Variants in SOX5 observed in about 807,000 individuals in gnomAD.
SOX5 encodes the protein transcription factor SOX-5.
SOX5 carries 9 observed loss-of-function variants against 92.0 expected under a neutral mutation model. The ratio of observed to expected loss-of-function variants is 0.10; its 90% CI spans 0.06 to 0.17. The LOEUF is 0.17. Among genes scored for constraint, SOX5 ranks in the 10% least tolerant of loss-of-function variants. The probability of loss-of-function intolerance (pLI) is 1.00; values close to 1 mark genes in which losing one functional copy is unlikely to be tolerated. For synonymous variants in SOX5, 344 were observed against 336.3 expected, an observed-to-expected ratio of 1.02 and a Z score of -0.25; for missense variants, 642 against 944.5, an observed-to-expected ratio of 0.68 and a Z score of 4.20.
chr12:23,619,391 T>C (rs1249402214), intron 8 of SOX5, among the ~76,000 whole-genome samples: 2 of 152,150 alleles, frequency 1.3e-5, no homozygotes, highest in Non-Finnish European at 2.9e-5. Context: ...ATTTTTACTT[T>C]ATGGAGCAGG....
At chr12:23,856,135 G>A (rs919183711) in intron 2 of SOX5, among the ~76,000 whole-genome samples, 2 of 152,038 alleles carry the variant, frequency 1.3e-5, no homozygotes, top group African/African-American at 2.4e-5. Flanking sequence ...ACACTATAAA[G>A]CAGAATTTCC....
At chr12:24,280,484 AAC>A (rs1283539514) in intron 2 of SOX5, among the ~76,000 whole-genome samples, 1 of 152,190 alleles carries the variant, frequency 6.6e-6, no homozygotes, top group South Asian at 2.1e-4. Context: ...TTTAAAAACA[AAC>A]ACAGCTTTCA....
intron 1 of SOX5, among the ~76,000 whole-genome samples, chr12:24,399,344 T>C (rs188109074): frequency 2.6e-5 from 4 of 152,324 alleles, no homozygotes; most frequent in Admixed American, 2.6e-4. Context: ...GAACAAACTT[T>C]AAAAAACCAA....
chr12:23,585,846 C>T (rs1950642551), intron 9 of SOX5, among the ~76,000 whole-genome samples: 1 of 152,162 alleles, frequency 6.6e-6, no homozygotes, highest in African/African-American at 2.4e-5. Flanking sequence ...TATCTCCTCT[C>T]TTCTCTTTGT....
intron 1 of SOX5, among the ~76,000 whole-genome samples, chr12:24,464,336 T>C (rs1006370896): frequency 6.6e-6 from 1 of 151,964 alleles, no homozygotes; most frequent in Non-Finnish European, 1.5e-5. Context: ...TTTTTTTTTT[T>C]TTTTGAGACG....
chr12:23,740,593 T>C (rs2093759776), intron 5 of SOX5, among the ~76,000 whole-genome samples: 1 of 152,176 alleles, frequency 6.6e-6, no homozygotes, highest in South Asian at 2.1e-4. Context: ...TCCATGGTTC[T>C]TTTTTGGTAT....
chr12:24,365,339 T>C (rs916126892), intron 2 of SOX5, among the ~76,000 whole-genome samples: 1 of 152,106 alleles, frequency 6.6e-6, no homozygotes, highest in Non-Finnish European at 1.5e-5. Context: ...AAGGAATCTA[T>C]GTAACAATAA....
chr12:23,646,516 C>T (rs970939471), intron 7 of SOX5, among the ~76,000 whole-genome samples: 2 of 152,184 alleles, frequency 1.3e-5, no homozygotes, highest in African/African-American at 4.8e-5. Flanking sequence ...TTGATTGACT[C>T]TTCCTTTCAC....
In SOX5 at chr12:23,890,405, C is replaced by G. The variant is rs1028146508; in HGVS notation, c.270+5388G>C. ...GAGAATTTGGCTAAGATAAAATATG[C>G]TTTTTATTTAAAAAAATGACAACTG... is the stretch of plus-strand genomic sequence containing the variant. On this transcript the variant is annotated intron_variant, in intron 2 of 14. Transcript: ENST00000451604. Among the ~76,000 whole-genome samples the G allele has an allele frequency of 4.6e-5, 7 of 152,166 alleles. No individual in the cohort carries two copies. In the South Asian group the frequency reaches 8.3e-4, roughly 18 times the overall value.
intron 4 of SOX5, among the ~76,000 whole-genome samples, chr12:24,109,657 A>G (rs1474598134): frequency 1.3e-5 from 2 of 152,204 alleles, no homozygotes; most frequent in Non-Finnish European, 2.9e-5. Flanking sequence ...AAATAGATTG[A>G]TCTCTTTATA....
At chr12:23,744,275 T>C (rs1206555853) in intron 4 of SOX5, among the ~76,000 whole-genome samples, 1 of 152,190 alleles carries the variant, frequency 6.6e-6, no homozygotes, top group African/African-American at 2.4e-5. Context: ...TTTACAGATT[T>C]TAACCTCCTG....
At chr12:24,442,777 A>G (rs1385501322) in intron 1 of SOX5, among the ~76,000 whole-genome samples, 2 of 152,152 alleles carry the variant, frequency 1.3e-5, no homozygotes, top group Non-Finnish European at 2.9e-5. Context: ...ATAATGAGTT[A>G]AAGAAGTAAC....
intron 3 of SOX5, among the ~76,000 whole-genome samples, chr12:24,222,127 A>G (rs927704332): frequency 9.2e-5 from 14 of 152,184 alleles, no homozygotes; most frequent in Admixed American, 4.6e-4. Context: ...TGAGGTTGTT[A>G]TTGGCATTCT....
intron 1 of SOX5, among the ~76,000 whole-genome samples, chr12:24,372,147 T>C (rs1215588918): frequency 3.9e-5 from 6 of 152,190 alleles, no homozygotes; most frequent in African/African-American, 1.2e-4. Flanking sequence ...TTTTTCATAT[T>C]ATTATACTTT....
At chr12:23,579,911 T>G (rs965725343) in intron 9 of SOX5, among the ~76,000 whole-genome samples, 1 of 152,118 alleles carries the variant, frequency 6.6e-6, no homozygotes, top group Non-Finnish European at 1.5e-5. Context: ...CTTGCCTAAT[T>G]GTTAAATGAG....
chr12:23,707,796 T>C (rs2091588265), intron 6 of SOX5, among the ~76,000 whole-genome samples: 1 of 152,136 alleles, frequency 6.6e-6, no homozygotes, highest in Admixed American at 6.6e-5. Flanking sequence ...AAGAAGTTAA[T>C]TTGCACTTCC....
chr12:23,745,196 A>G (rs1056586844), intron 4 of SOX5, among the ~76,000 whole-genome samples: 1 of 152,084 alleles, frequency 6.6e-6, no homozygotes, highest in African/African-American at 2.4e-5. Flanking sequence ...ACATAACATA[A>G]ATACTGTTGT....
At chr12:23,651,034 AT>A (rs886825791) in intron 7 of SOX5, among the ~76,000 whole-genome samples, 11 of 151,842 alleles carry the variant, frequency 7.2e-5, no homozygotes, top group African/African-American at 9.6e-5. Context: ...ATATGTGAGA[AT>A]TTTTTTTCAG....
At chr12:23,902,558 T>G (rs2097246939) in intron 1 of SOX5, among the ~76,000 whole-genome samples, 1 of 150,440 alleles carries the variant, frequency 6.6e-6, no homozygotes. Flanking sequence ...CATCAACTTT[T>G]TCAGTTGCAT....
Sources: allele counts gnomAD v4.1 joint callset (sites outside exome capture counted in the v4.1 genomes callset), GRCh38; gene constraint gnomAD v4.1.1; transcripts MANE v1.5; gene names NCBI Gene and HGNC (gene_info 2026-07-23, HGNC 2026-07-21).